PTPRG: variants seen among roughly 807,000 people sequenced by gnomAD.
PTPRG encodes the protein protein tyrosine phosphatase receptor type G, also known as receptor-type tyrosine-protein phosphatase gamma.
In PTPRG, 102 loss-of-function variants were observed where a neutral mutation model predicts 165.3. The observed-to-expected ratio is 0.62, with a 90% CI of 0.53 to 0.73. The LOEUF is 0.73. PTPRG is among the 30% of genes least tolerant of loss of function. PTPRG has a pLI of 0.00. For synonymous variants in PTPRG, 675 were observed against 669.5 expected, an observed-to-expected ratio of 1.01 and a Z score of -0.13; for missense variants, 1,866 against 1,861.4, an observed-to-expected ratio of 1.00 and a Z score of -0.05.
In PTPRG at chr3:62,210,928, A is replaced by C. The variant is rs866725856; in HGVS notation, c.2155+6978A>C. Among the ~76,000 whole-genome samples the C allele has an allele frequency of 4.6e-5, 7 of 152,252 alleles. No individual in the cohort carries two copies. In the South Asian group the frequency reaches 8.3e-4, roughly 18 times the overall value. ...GCTATTAGCAGGAAAGCTTTTGGAG[A>C]CTCAAAAGTTATACATGAATTTCTG... On this transcript the variant is annotated intron_variant, in intron 12 of 29. Coordinates refer to ENST00000474889, the MANE Select transcript of PTPRG (RefSeq NM_002841.4). The surrounding 1 kb of genome is among the most constrained non-coding windows in gnomAD (Gnocchi z 4.1).
At chr3:62,172,115 G>A (rs930439948) in intron 8 of PTPRG, among the ~76,000 whole-genome samples, 1 of 152,214 alleles carries the variant, frequency 6.6e-6, no homozygotes, top group African/African-American at 2.4e-5. Flanking sequence ...CACATAATAT[G>A]TGGAGGTGCC....
chr3:62,162,990 G>T (rs373908986), intron 7 of PTPRG, among the ~76,000 whole-genome samples: 93 of 152,286 alleles, frequency 6.1e-4, no homozygotes, highest in African/African-American at 2.0e-3. Context: ...GAAGGCCTCA[G>T]GAAACTTACA....
intron 1 of PTPRG, among the ~76,000 whole-genome samples, chr3:61,714,180 T>C (rs959872393): frequency 1.3e-5 from 2 of 152,206 alleles, no homozygotes; most frequent in South Asian, 2.1e-4. Flanking sequence ...AGCCTATCTT[T>C]AGTCTTATGC....
In PTPRG at chr3:62,213,148, C is replaced by T. The variant is rs192287626; in HGVS notation, c.2156-5703C>T. Reference sequence around the variant, plus strand: ...AAGCTCCGAGTGAAAGTGTGCTGCTCCTGACAGAGGGGAGCATCTAGTGTT... The same window carrying T: ...AAGCTCCGAGTGAAAGTGTGCTGCTTCTGACAGAGGGGAGCATCTAGTGTT... On this transcript the variant is annotated intron_variant, in intron 12 of 29. Transcript: ENST00000474889. This position sits in a 1 kb window ranked among gnomAD's most constrained non-coding sequence, Gnocchi z 4.4. Among the ~76,000 whole-genome samples, 2 of 152,208 alleles carry T rather than the reference C, an allele frequency of 1.3e-5. No homozygotes were observed. The highest frequency in any genetic ancestry group is 6.5e-5 in the Admixed American group (1 of 15,294).
At chr3:61,991,064 C>G (rs2040876083) in intron 3 of PTPRG, among the ~76,000 whole-genome samples, 1 of 152,192 alleles carries the variant, frequency 6.6e-6, no homozygotes, top group African/African-American at 2.4e-5. Context: ...CGCAGTGATT[C>G]CTGGCTTTGG....
chr3:62,068,976 C>G (rs1344927010), intron 4 of PTPRG, among the ~76,000 whole-genome samples: 1 of 152,200 alleles, frequency 6.6e-6, no homozygotes, highest in Non-Finnish European at 1.5e-5. Context: ...TACCCGCTAC[C>G]TACTATTCTT....
At chr3:61,681,231 G>A (rs1575586584) in intron 1 of PTPRG, among the ~76,000 whole-genome samples, 2 of 152,082 alleles carry the variant, frequency 1.3e-5, no homozygotes, top group African/African-American at 4.8e-5. Context: ...AGAATAAATG[G>A]CATTCCTGGA....
At chr3:62,053,965 C>G (rs1361699280) in intron 4 of PTPRG, among the ~76,000 whole-genome samples, 1 of 152,158 alleles carries the variant, frequency 6.6e-6, no homozygotes, top group African/African-American at 2.4e-5. Flanking sequence ...ACATGAGGGA[C>G]TATACATGTG....
At chr3:61,869,300 C>G (rs1242105899) in intron 2 of PTPRG, among the ~76,000 whole-genome samples, 1 of 152,126 alleles carries the variant, frequency 6.6e-6, no homozygotes, top group Non-Finnish European at 1.5e-5. Flanking sequence ...TTGGGTGTGG[C>G]CCTCTTTTGT....
rs1700718597 is a variant in PTPRG at position 62,224,523 on chromosome 3, G to A, written c.2288+5540G>A. Among the ~76,000 whole-genome samples the A allele has an allele frequency of 6.6e-6, 1 of 152,210 alleles. No individual in the cohort carries two copies. Among genetic ancestry groups the A allele is most frequent in the Admixed American group, 6.5e-5 (1 of 15,278 alleles). On this transcript the variant is annotated intron_variant, in intron 13 of 29. Transcript: ENST00000474889. This position sits in a 1 kb window ranked among gnomAD's most constrained non-coding sequence, Gnocchi z 4.9. ...CACACAGCCCCAAGGACACAGATGAGGTAGGGGGAACACGTGGGTATTTGT... is the reference window on the plus strand; with the variant it reads ...CACACAGCCCCAAGGACACAGATGAAGTAGGGGGAACACGTGGGTATTTGT...
chr3:61,786,307 C>A (rs1170055804), intron 2 of PTPRG, among the ~76,000 whole-genome samples: 1 of 152,124 alleles, frequency 6.6e-6, no homozygotes, highest in African/African-American at 2.4e-5. Context: ...AGCTTTTAAT[C>A]TGAGTAAAGG....
intron 1 of PTPRG, among the ~76,000 whole-genome samples, chr3:61,598,055 A>G (rs141992671): frequency 1.3e-3 from 195 of 152,270 alleles, no homozygotes; most frequent in African/African-American, 4.5e-3. Flanking sequence ...AATTTTGAAC[A>G]TGCTTGTTTT....
At chr3:62,095,925 T>G (rs886563) in intron 5 of PTPRG, among the ~76,000 whole-genome samples, 73,957 of 151,554 alleles carry the variant, frequency 0.49, 18,625 homozygotes, top group Admixed American at 0.61. Context: ...CCCTCAAGGC[T>G]CAAGCTAGAG....
At chr3:61,605,437 A>G (rs1700975421) in intron 1 of PTPRG, among the ~76,000 whole-genome samples, 2 of 151,596 alleles carry the variant, frequency 1.3e-5, no homozygotes, top group Non-Finnish European at 2.9e-5. Flanking sequence ...TGTGTTTTTA[A>G]TAGAGACGGG....
chr3:61,964,688 T>C (rs930614394), intron 2 of PTPRG, among the ~76,000 whole-genome samples: 4 of 152,140 alleles, frequency 2.6e-5, no homozygotes, highest in African/African-American at 9.7e-5. Context: ...TTTTCCACTC[T>C]TTATTATAGT....
rs545773638 is a variant in PTPRG, at chr3:61,635,821, C to T, written c.85+73449C>T. ...AATTTATTTACTAATTCCTCAGTCA[C>T]GTAAATGTCATCCATGAAAAATATT... On this transcript the variant is annotated intron_variant, in intron 1 of 29. Coordinates refer to ENST00000474889, the MANE Select transcript of PTPRG (RefSeq NM_002841.4). Among the ~76,000 whole-genome samples, 20 of 152,192 alleles carry T rather than the reference C, an allele frequency of 1.3e-4. No homozygotes were observed. The South Asian group carries it at 4.2e-3, about 32-fold the overall frequency.
At chr3:61,946,137 C>T (rs111242745) in intron 2 of PTPRG, among the ~76,000 whole-genome samples, 2,397 of 152,264 alleles carry the variant, frequency 0.016, 43 homozygotes, top group South Asian at 0.076. Context: ...TATTAACACA[C>T]AGCTGGGGAT....
chr3:62,280,323 A>G (rs1038035585), intron 26 of PTPRG, among the ~76,000 whole-genome samples: 1 of 151,988 alleles, frequency 6.6e-6, no homozygotes, highest in Non-Finnish European at 1.5e-5. Flanking sequence ...GACAGGTGAT[A>G]CAAAATCTCC....
chr3:61,853,687 A>G (rs1238444675), intron 2 of PTPRG, among the ~76,000 whole-genome samples: 3 of 152,202 alleles, frequency 2.0e-5, no homozygotes, highest in South Asian at 2.1e-4. Flanking sequence ...GTTCTAACTT[A>G]GTGAGTTTTG....
Sources: allele counts gnomAD v4.1 joint callset (sites outside exome capture counted in the v4.1 genomes callset), GRCh38; gene constraint gnomAD v4.1.1; non-coding constraint Gnocchi (gnomAD v3.1); transcripts MANE v1.5; gene names NCBI Gene and HGNC (gene_info 2026-07-23, HGNC 2026-07-21).